Variants in SYNRG observed in about 807,000 individuals in gnomAD.
The protein encoded by SYNRG is AP1 gamma subunit binding protein 1.
SYNRG carries 37 observed loss-of-function variants against 130.9 expected under a neutral mutation model. The observed-to-expected ratio is 0.28, with a 90% CI of 0.22 to 0.37. The LOEUF (loss-of-function observed/expected upper bound fraction) is 0.37. Among genes scored for constraint, SYNRG ranks in the 10% least tolerant of loss-of-function variants. SYNRG has a pLI of 1.00. For missense variants in SYNRG, 1,338 were observed against 1,588.9 expected (o/e 0.84, Z 2.68); for synonymous variants, 539 against 568.1 (o/e 0.95, Z 0.73).
At chr17:37,555,668 AG>A (rs2059064442) in intron 13 of SYNRG, among the ~76,000 whole-genome samples, 1 of 152,214 alleles carries the variant, frequency 6.6e-6, no homozygotes, top group Non-Finnish European at 1.5e-5. Flanking sequence ...TGGAAGACCA[AG>A]GAGGGTGTAT....
intron 13 of SYNRG, among the ~76,000 whole-genome samples, chr17:37,554,312 T>C (rs2058939760): frequency 6.6e-6 from 1 of 152,206 alleles, no homozygotes; most frequent in Non-Finnish European, 1.5e-5. Flanking sequence ...ATGCTTTTAG[T>C]GTGGGATCTC....
At chr17:37,570,434 T>C (rs968877340) in intron 10 of SYNRG, among the ~76,000 whole-genome samples, 4 of 152,208 alleles carry the variant, frequency 2.6e-5, no homozygotes, top group Admixed American at 1.3e-4. Flanking sequence ...AAATATTATA[T>C]ATTTAAAACA....
rs190773857 is a variant in SYNRG, at chr17:37,562,649, C to G, written c.1482-1060G>C. 6.6e-5 allele frequency among the ~76,000 whole-genome samples: 10 copies of G among 152,304 alleles called. No homozygotes were observed. In the East Asian group the frequency reaches 1.7e-3, roughly 26 times the overall value. The stretch of plus-strand genomic sequence containing the variant: ...CTGCATGCTAATGGGGTACACAGTC[C>G]TTTAGGGCTTAATGCCATCAAATAT... On this transcript the variant is annotated intron_variant, in intron 11 of 21. Coordinates refer to ENST00000612223, the MANE Select transcript of SYNRG (RefSeq NM_007247.6).
chr17:37,543,464 G>C (rs373326844), intron 14 of SYNRG, among the ~76,000 whole-genome samples: 2 of 152,320 alleles, frequency 1.3e-5, no homozygotes, highest in African/African-American at 4.8e-5. Flanking sequence ...GGAAAGACCT[G>C]AGTTCAACCT....
At chr17:37,546,754 T>G (rs2058311549) in intron 14 of SYNRG, among the ~76,000 whole-genome samples, 1 of 152,222 alleles carries the variant, frequency 6.6e-6, no homozygotes, top group Non-Finnish European at 1.5e-5. Flanking sequence ...AGAAAGGAGA[T>G]ATATGTACAA....
intron 15 of SYNRG, chr17:37,541,516 T>A (rs536654395): frequency 1.2e-5 from 2 of 162,732 alleles, no homozygotes; most frequent in African/African-American, 4.8e-5. Flanking sequence ...TCATGTCTTT[T>A]AAATACTGGC....
chr17:37,562,852 C>T (rs566197090), intron 11 of SYNRG, among the ~76,000 whole-genome samples: 2 of 151,836 alleles, frequency 1.3e-5, no homozygotes, highest in Non-Finnish European at 2.9e-5. Context: ...GGAAAAAAAA[C>T]CCCCAAAGTT....
chr17:37,553,084 C>G, intron 14 of SYNRG, 31 bp downstream of exon 14: 1 of 1,592,096 alleles, frequency 6.3e-7, no homozygotes, highest in Non-Finnish European at 8.6e-7. Context: ...TCTACAACAC[C>G]ATCACCAGAG....
intron 11 of SYNRG, among the ~76,000 whole-genome samples, chr17:37,562,550 CA>C (rs34609842): frequency 6.6e-6 from 1 of 152,120 alleles, no homozygotes; most frequent in Non-Finnish European, 1.5e-5. Context: ...CGCCCTGGAG[CA>C]AAAATCTTTC....
chr17:37,542,647 G>A, intron 14 of SYNRG, 82 bp from the exon 15 acceptor site: 1 of 1,015,850 alleles, frequency 9.8e-7, no homozygotes, highest in Non-Finnish European at 1.4e-6. Context: ...AAAATGCCTA[G>A]CATATTTGAT....
chr17:37,521,717 A>G (rs1568243743), intron 19 of SYNRG, among the ~76,000 whole-genome samples: 1 of 152,188 alleles, frequency 6.6e-6, no homozygotes, highest in Admixed American at 6.5e-5. Flanking sequence ...GCAGTCCTGG[A>G]GACAGATACC....
intron 14 of SYNRG, among the ~76,000 whole-genome samples, chr17:37,543,602 T>C (rs1018823431): frequency 6.6e-6 from 1 of 152,192 alleles, no homozygotes; most frequent in African/African-American, 2.4e-5. Context: ...CCATCAACCA[T>C]GATCATGTGT....
chr17:37,519,716 T>C (rs748578662), intron 21 of SYNRG, among the ~76,000 whole-genome samples: 14 of 152,230 alleles, frequency 9.2e-5, no homozygotes, highest in Non-Finnish European at 1.9e-4. Context: ...GGCTTATCAG[T>C]AAGCTACAGT....
chr17:37,547,493 G>A (rs146224273), intron 14 of SYNRG, among the ~76,000 whole-genome samples: 2 of 146,922 alleles, frequency 1.4e-5, no homozygotes, highest in Non-Finnish European at 3.0e-5. Context: ...ATGGAGTCTC[G>A]CTCTGTCGCC....
At chr17:37,574,429 T>A (rs2060653949) in intron 8 of SYNRG, among the ~76,000 whole-genome samples, 1 of 152,078 alleles carries the variant, frequency 6.6e-6, no homozygotes, top group African/African-American at 2.4e-5. Context: ...TTAAAAAGCT[T>A]TTGCACTGCA....
intron 3 of SYNRG, among the ~76,000 whole-genome samples, chr17:37,590,317 CAAAATT>C (rs2062062382): frequency 6.6e-6 from 1 of 151,188 alleles, no homozygotes; most frequent in African/African-American, 2.4e-5. Flanking sequence ...ACACTATAAA[CAAAATT>C]AAGAGATGCC....
intron 1 of SYNRG, among the ~76,000 whole-genome samples, chr17:37,603,165 G>A (rs568267041): frequency 2.0e-4 from 31 of 152,214 alleles, no homozygotes; most frequent in African/African-American, 7.0e-4. Context: ...CTCTTAATCC[G>A]GGAGTCAAGG....
At chr17:37,536,271 T>G in intron 18 of SYNRG, 144 bp from the exon 19 acceptor site, 1 of 1,004,024 alleles carries the variant, frequency 1.0e-6, no homozygotes, top group Non-Finnish European at 1.4e-6. Flanking sequence ...TTGGGACCAA[T>G]CCACTTCTCA....
intron 1 of SYNRG, among the ~76,000 whole-genome samples, chr17:37,604,901 C>CA (rs1282309633): frequency 1.3e-5 from 2 of 152,286 alleles, no homozygotes; most frequent in East Asian, 3.9e-4. Flanking sequence ...GTAGAGCAGT[C>CA]AGACTGCACA....
Sources: allele counts gnomAD v4.1 joint callset (sites outside exome capture counted in the v4.1 genomes callset), GRCh38; gene constraint gnomAD v4.1.1; transcripts MANE v1.5; gene names NCBI Gene and HGNC (gene_info 2026-07-23, HGNC 2026-07-21).